The following AKAP9 variants were observed in gnomAD, a reference collection of about 807,000 sequenced individuals.
The protein encoded by AKAP9 is A-kinase anchor protein 9.
In AKAP9, 311 loss-of-function variants were observed where a neutral mutation model predicts 488.5. The observed-to-expected ratio is 0.64, with a 90% CI of 0.58 to 0.70. AKAP9 has a LOEUF of 0.70. Ranked by LOEUF, AKAP9 falls within the 30% of genes least tolerant of loss-of-function variation. AKAP9 has a pLI of 0.00. For missense variants in AKAP9, 4,215 were observed against 4,374.5 expected (o/e 0.96, Z 1.03); for synonymous variants, 1,462 against 1,483.5 (o/e 0.99, Z 0.33).
intron 20 of AKAP9, among the ~76,000 whole-genome samples, chr7:92,044,452 A>G (rs1806623830): frequency 6.6e-6 from 1 of 152,226 alleles, no homozygotes; most frequent in Admixed American, 6.5e-5. Context: ...ATCGCTGCCT[A>G]ACTATTACTT....
intron 29 of AKAP9, 146 bp from the exon 30 acceptor site, chr7:92,077,550 A>G: frequency 1.3e-6 from 1 of 741,236 alleles, no homozygotes; most frequent in Non-Finnish European, 2.2e-6. Flanking sequence ...TTATCAAAAT[A>G]TTTTAGAATT....
chr7:92,023,099 T>G, intron 14 of AKAP9, 90 bp downstream of exon 14: 1 of 1,350,798 alleles, frequency 7.4e-7, no homozygotes, highest in Non-Finnish European at 1.1e-6. Context: ...AAAAAGTAAC[T>G]TAAGCAAAGT....
At chr7:92,048,228 T>G (rs1002510313) in intron 21 of AKAP9, among the ~76,000 whole-genome samples, 1 of 152,230 alleles carries the variant, frequency 6.6e-6, no homozygotes, top group Non-Finnish European at 1.5e-5. Context: ...AACTTTTGCT[T>G]TTCAGTTTTC....
At chr7:92,050,250 T>C (rs1277430774) in intron 21 of AKAP9, among the ~76,000 whole-genome samples, 2 of 149,536 alleles carry the variant, frequency 1.3e-5, no homozygotes, top group Non-Finnish European at 3.0e-5. Context: ...TTTTTGTAAT[T>C]TTTTTTTTTG....
At chr7:92,023,158 A>C in intron 14 of AKAP9, 149 bp downstream of exon 14, 1 of 755,820 alleles carries the variant, frequency 1.3e-6, no homozygotes, top group Non-Finnish European at 2.3e-6. Flanking sequence ...AGAGCAAGAG[A>C]TCATTCTATA....
At chr7:92,057,812 A>G (rs1809050363) in intron 22 of AKAP9, 1 of 223,712 alleles carries the variant, frequency 4.5e-6, no homozygotes, top group Admixed American at 5.7e-5. Flanking sequence ...AGATGTTTAT[A>G]TTTTTATTCT....
intron 49 of AKAP9, among the ~76,000 whole-genome samples, chr7:92,109,748 C>T (rs1038984425): frequency 2.0e-5 from 3 of 152,096 alleles, no homozygotes; most frequent in Non-Finnish European, 4.4e-5. Context: ...CCAACCAGTT[C>T]GAGACTAGCC....
chr7:92,097,267 A>G lies in AKAP9; in HGVS notation c.10308A>G (p.Leu3436=), dbSNP rs1289587932. ...AGTTAGACCTTGAAGGACAGCGACTACAAGGAATCATGCAGGAATTCCAGA... is the reference window on the plus strand; with the variant it reads ...AGTTAGACCTTGAAGGACAGCGACTGCAAGGAATCATGCAGGAATTCCAGA... The part of the protein sequence containing the change: ...VYKLDLEGQR[L]QGIMQEFQKQ... Residue 3436 remains leucine, a synonymous_variant, in exon 41 of 50, where the codon CTA becomes CTG. Transcript: ENST00000356239. The G allele has an allele frequency of 2.5e-6, 4 of 1,613,890 alleles. No individual in the cohort carries two copies. The highest frequency in any genetic ancestry group is 3.4e-6 in the Non-Finnish European group (4 of 1,180,038).
chr7:92,102,865 C>G (rs772479287), intron 46 of AKAP9, 39 bp downstream of exon 46: 1 of 1,507,650 alleles, frequency 6.6e-7, no homozygotes. Context: ...CTAGTAGACT[C>G]TCTAAAAGGA....
At position 92,097,017 on chromosome 7, in the gene AKAP9, A is replaced by G. The variant is rs1298836747; in HGVS notation, c.10058A>G (p.Glu3353Gly). The part of the protein sequence containing the change: ...DLLKELQKQL[E>G]EKHSRIVELL... ...CTGAAAGAGCTGCAGAAACAGCTAG[A>G]GGAAAAACACAGTCGCATAGTAGAA... The change falls in exon 41 of 50, where the codon GAG (glutamate) becomes GGG (glycine). Residue 3353 changes from glutamate to glycine, a missense_variant. Transcript: ENST00000356239. 6.2e-7 allele frequency: 1 copy of G among 1,614,118 alleles called. No homozygotes were observed. The highest frequency in any genetic ancestry group is 8.5e-7 in the Non-Finnish European group (1 of 1,180,034).
At chr7:92,089,722 C>T (rs1369256630) in intron 38 of AKAP9, 193 bp downstream of exon 38, 8 of 575,702 alleles carry the variant, frequency 1.4e-5, no homozygotes, top group South Asian at 4.5e-5. Context: ...TAAACAGCTA[C>T]GTTGACTTTA....
chr7:92,041,061 A>G, intron 18 of AKAP9, 163 bp downstream of exon 18: 1 of 627,566 alleles, frequency 1.6e-6, no homozygotes, highest in Non-Finnish European at 2.8e-6. Flanking sequence ...CATCAGGAAC[A>G]CACTCTATAC....
chr7:92,040,181 A>C (rs1329935470), intron 17 of AKAP9, among the ~76,000 whole-genome samples: 1 of 152,258 alleles, frequency 6.6e-6, no homozygotes, highest in Non-Finnish European at 1.5e-5. Flanking sequence ...TTTTATCTTC[A>C]AATAAAATGT....
At position 92,042,113 on chromosome 7, in the gene AKAP9, C is replaced by T. The variant is rs149244653; in HGVS notation, c.4985C>T (p.Ala1662Val). 7.8e-5 allele frequency: 126 copies of T among 1,613,906 alleles called. No individual in the cohort carries two copies. In the African/African-American group the frequency reaches 1.4e-3, roughly 18 times the overall value. ...AGGGTGCTTTTAGAGGAGCTGGAAG[C>T]ACTAAAGCAGCTGTCTTTAGCTGGA... is the stretch of plus-strand genomic sequence containing the variant. ...RERVLLEELE[A>V]LKQLSLAGRE... Residue 1662 changes from alanine to valine, a missense_variant, in exon 19 of 50, where the codon GCA (alanine) becomes GTA (valine). Transcript: ENST00000356239.
At chr7:92,087,842 G>A (rs889393056) in intron 37 of AKAP9, among the ~76,000 whole-genome samples, 2 of 150,894 alleles carry the variant, frequency 1.3e-5, no homozygotes, top group African/African-American at 2.4e-5. Context: ...ATAAGCCAAA[G>A]AGTGAAATAA....
At chr7:91,947,793 A>AT (rs879732744) in intron 1 of AKAP9, among the ~76,000 whole-genome samples, 7 of 152,158 alleles carry the variant, frequency 4.6e-5, no homozygotes, top group Non-Finnish European at 8.8e-5. Flanking sequence ...AGAAGCTATA[A>AT]TTTTTTTTAA....
chr7:92,063,220 AGCTGCTCAAATTAATTAAACAGGT>A (rs1443954714), intron 24 of AKAP9, among the ~76,000 whole-genome samples: 4 of 152,200 alleles, frequency 2.6e-5, no homozygotes, highest in African/African-American at 7.2e-5. Context: ...AGTTTCTTCC[AGCTGCTCAAATTAATTAAACAGGT>A]TTAGTTTGGG....
At chr7:92,031,965 C>T (rs1171102030) in intron 16 of AKAP9, among the ~76,000 whole-genome samples, 5 of 152,168 alleles carry the variant, frequency 3.3e-5, no homozygotes, top group African/African-American at 7.2e-5. Context: ...TATTTCCAAT[C>T]AGAGAAGTTT....
chr7:92,099,324 T>G (rs1258054288), intron 43 of AKAP9, among the ~76,000 whole-genome samples: 1 of 152,212 alleles, frequency 6.6e-6, no homozygotes, highest in Non-Finnish European at 1.5e-5. Context: ...TTTCCCCTGC[T>G]TTGTACATTA....
Sources: allele counts gnomAD v4.1 joint callset (sites outside exome capture counted in the v4.1 genomes callset), GRCh38; gene constraint gnomAD v4.1.1; transcripts MANE v1.5; gene names NCBI Gene and HGNC (gene_info 2026-07-23, HGNC 2026-07-21).